TRPM3: variants seen among roughly 807,000 people sequenced by gnomAD.
TRPM3 encodes the protein long transient receptor potential channel 3.
Under a neutral mutation model 181.2 loss-of-function variants are expected in TRPM3, and 77 were observed. The observed-to-expected ratio is 0.42, with a 90% CI of 0.35 to 0.51. The LOEUF is 0.51. Ranked by LOEUF, TRPM3 falls within the 20% of genes least tolerant of loss-of-function variation. TRPM3 has a pLI of 0.01. For synonymous variants in TRPM3, 745 were observed against 796.4 expected (o/e 0.94, Z 1.09); for missense variants, 1,759 against 2,196.7 (o/e 0.80, Z 3.98).
intron 6 of TRPM3, among the ~76,000 whole-genome samples, chr9:70,823,694 C>CT (rs1379236167): frequency 1.3e-5 from 2 of 151,980 alleles, no homozygotes; most frequent in Admixed American, 6.6e-5. Context: ...TGGTTGCCCC[C>CT]CTTGATGTAA....
intron 6 of TRPM3, among the ~76,000 whole-genome samples, chr9:70,812,220 A>G (rs1323271203): frequency 6.6e-6 from 1 of 152,234 alleles, no homozygotes; most frequent in African/African-American, 2.4e-5. Flanking sequence ...TCCTAGGATC[A>G]AGCTAGACTT....
chr9:70,588,710 T>A (rs2057588915), intron 22 of TRPM3, among the ~76,000 whole-genome samples: 1 of 152,166 alleles, frequency 6.6e-6, no homozygotes, highest in African/African-American at 2.4e-5. Context: ...TAGGGCAGCA[T>A]AAAAGATTTG....
chr9:71,392,480 G>A (rs1275713564), intron 1 of TRPM3, among the ~76,000 whole-genome samples: 1 of 151,996 alleles, frequency 6.6e-6, no homozygotes, highest in Non-Finnish European at 1.5e-5. Flanking sequence ...AAATTTTGTT[G>A]GGGTATTTTT....
At chr9:71,108,782 C>CT (rs2070351964) in intron 1 of TRPM3, among the ~76,000 whole-genome samples, 1 of 152,200 alleles carries the variant, frequency 6.6e-6, no homozygotes, top group Admixed American at 6.5e-5. Context: ...TAGAGGTTAA[C>CT]TTTAGAGGAA....
intron 22 of TRPM3, among the ~76,000 whole-genome samples, chr9:70,559,722 C>T (rs1051452580): frequency 6.6e-6 from 1 of 152,142 alleles, no homozygotes; most frequent in African/African-American, 2.4e-5. Context: ...AATGTGAGGT[C>T]TGGGGTGAAA....
At chr9:71,046,517 T>C (rs1419625815) in intron 1 of TRPM3, among the ~76,000 whole-genome samples, 2 of 152,208 alleles carry the variant, frequency 1.3e-5, no homozygotes, top group Non-Finnish European at 2.9e-5. Context: ...ATTTTAAGTA[T>C]CTAAATATTG....
chr9:70,888,362 G>GGGGTGTGT (rs753777667), intron 1 of TRPM3, among the ~76,000 whole-genome samples: 66 of 143,730 alleles, frequency 4.6e-4, no homozygotes, highest in African/African-American at 1.6e-3. Flanking sequence ...TTTATTTTGG[G>GGGGTGTGT]GTGTGTGTGT....
intron 1 of TRPM3, among the ~76,000 whole-genome samples, chr9:71,328,898 G>A (rs1565466994): frequency 1.3e-5 from 2 of 152,190 alleles, no homozygotes; most frequent in Non-Finnish European, 2.9e-5. Context: ...ACCATTCCCA[G>A]AGGCTGACAC....
intron 1 of TRPM3, among the ~76,000 whole-genome samples, chr9:71,231,927 C>T (rs10868989): frequency 0.43 from 65,133 of 151,968 alleles, 14,372 homozygotes; most frequent in East Asian, 0.52. Flanking sequence ...AAGTCGAAAA[C>T]ACACACATTT....
chr9:71,306,738 G>C (rs2087367465), intron 1 of TRPM3, among the ~76,000 whole-genome samples: 1 of 152,116 alleles, frequency 6.6e-6, no homozygotes, highest in Non-Finnish European at 1.5e-5. Context: ...GCTGGGTGTG[G>C]TAATGCGTGC....
At chr9:71,320,918 T>C (rs757534602) in intron 1 of TRPM3, among the ~76,000 whole-genome samples, 2 of 152,128 alleles carry the variant, frequency 1.3e-5, no homozygotes, top group Admixed American at 1.3e-4. Context: ...TACCCATGCA[T>C]AGGGCCATCC....
In TRPM3 at chr9:70,960,336, TG is replaced by T. The variant is rs1321742867; in HGVS notation, c.178-95826del. On this transcript the variant is annotated intron_variant, in intron 1 of 25. Coordinates refer to ENST00000677713, the MANE Select transcript of TRPM3 (RefSeq NM_001366145.2). ...AGCTTGCTTGTTATGAAGTCCCTTC[TG>T]GCTGCCTCCAGGTGATAGTCCCTCC... 2.0e-5 allele frequency among the ~76,000 whole-genome samples: 3 copies of T among 152,268 alleles called. No homozygotes were observed. In the East Asian group the frequency reaches 5.8e-4, roughly 29 times the overall value.
At chr9:70,610,917 A>T (rs572173778) in intron 18 of TRPM3, among the ~76,000 whole-genome samples, 168 bp from the exon 19 acceptor site, 2 of 152,276 alleles carry the variant, frequency 1.3e-5, no homozygotes, top group East Asian at 3.9e-4. Flanking sequence ...CTACACGTAT[A>T]ATCTGTGAAT....
intron 1 of TRPM3, among the ~76,000 whole-genome samples, chr9:71,031,498 C>T (rs1451393707): frequency 6.6e-6 from 1 of 152,080 alleles, no homozygotes; most frequent in Non-Finnish European, 1.5e-5. Context: ...GCATAGTAAT[C>T]AGCATGCAGT....
intron 1 of TRPM3, among the ~76,000 whole-genome samples, chr9:71,012,330 A>T (rs1002622171): frequency 7.3e-5 from 11 of 150,542 alleles, no homozygotes; most frequent in African/African-American, 2.7e-4. Context: ...TTATTTTTTG[A>T]TTTTTTTATT....
chr9:70,758,606 C>G (rs1212590359), intron 8 of TRPM3, among the ~76,000 whole-genome samples: 1 of 152,198 alleles, frequency 6.6e-6, no homozygotes, highest in African/African-American at 2.4e-5. Context: ...GTAACCATAA[C>G]AGCATGGTAG....
At chr9:71,261,157 G>T (rs1263664930) in intron 1 of TRPM3, among the ~76,000 whole-genome samples, 42 of 152,128 alleles carry the variant, frequency 2.8e-4, no homozygotes, top group Admixed American at 2.7e-3. Context: ...ACCTATGTTT[G>T]GTCTTTTCAC....
intron 1 of TRPM3, among the ~76,000 whole-genome samples, chr9:70,925,799 C>A (rs1171597923): frequency 6.6e-6 from 1 of 152,004 alleles, no homozygotes; most frequent in African/African-American, 2.4e-5. Flanking sequence ...ACTGTCAATA[C>A]AGGTTAGTAG....
chr9:70,655,054 T>A (rs2060113055), intron 9 of TRPM3, among the ~76,000 whole-genome samples: 1 of 149,610 alleles, frequency 6.7e-6, no homozygotes, highest in Non-Finnish European at 1.5e-5. Context: ...ATGCTTGTAA[T>A]CCCAGCACTT....
Sources: gnomAD v4.1 joint callset for allele counts (sites outside exome capture counted in the v4.1 genomes callset) on GRCh38, gnomAD v4.1.1 for gene constraint, MANE v1.5 for transcripts, NCBI Gene and HGNC (gene_info 2026-07-23, HGNC 2026-07-21) for gene names.